The following CDC25B variants were observed in gnomAD, a reference collection of about 807,000 sequenced individuals.
CDC25B encodes the protein cell division cycle 25B.
CDC25B carries 33 observed loss-of-function variants against 69.8 expected under a neutral mutation model. The observed-to-expected ratio is 0.47, with a 90% CI of 0.36 to 0.63. The LOEUF is 0.63. Among genes scored for constraint, CDC25B ranks in the 30% least tolerant of loss-of-function variants. The pLI is 0.00. For missense variants in CDC25B, 727 were observed against 809.1 expected (o/e 0.90, Z 1.23); for synonymous variants, 341 against 314.6 (o/e 1.08, Z -0.89).
At chr20:3,797,595 T>C (rs1340652868) in intron 1 of CDC25B, 27 bp from the exon 2 acceptor site, 1 of 1,613,246 alleles carries the variant, frequency 6.2e-7, no homozygotes, top group African/African-American at 1.3e-5. Flanking sequence ...ACCTTTCTCC[T>C]TTCCCGGGTC....
chr20:3,796,187 T>G (rs1480398155), upstream of CDC25B: 2 of 1,176,668 alleles, frequency 1.7e-6, no homozygotes, highest in East Asian at 4.9e-5. Flanking sequence ...CCGCGCCTCT[T>G]GCCCTGCGGG....
rs1568509442 is a variant in CDC25B, at chr20:3,801,726, A to G, written c.845A>G (p.Asp282Gly). 6.3e-7 allele frequency: 1 copy of G among 1,598,952 alleles called. No individual in the cohort carries two copies. The highest frequency in any genetic ancestry group is 8.5e-7 in the Non-Finnish European group (1 of 1,173,600). ...TCCTTGCTAATCTGGCCTCAGGATG[A>G]TGATGCAGTTCCCCCAGGCATGGAG... The part of the protein sequence containing the change: ...VDILESDLKD[D>G]DAVPPGMESL... Residue 282 changes from aspartate (D) to glycine (G), a missense_variant, in exon 9 of 16, where the codon GAT becomes GGT. Asp to Gly is a moderately conservative substitution (Grantham distance 94). This residue lies in a region of CDC25B where 359 missense variants were observed against 463.4 expected (regional missense o/e 0.77). Transcript: ENST00000245960.
rs1600412384 is a variant in CDC25B, at chr20:3,805,669, A to C, written c.*708A>C. On this transcript the variant is annotated 3_prime_UTR_variant, in exon 16 of 16. Coordinates refer to ENST00000245960, the MANE Select transcript of CDC25B (RefSeq NM_021873.4). The stretch of plus-strand genomic sequence containing the variant: ...TTTTGTTGCCCCAGAAAGGGATGTT[A>C]TTATCCTTGGGGGCTCCCAGGGCAA... The C allele has an allele frequency of 2.5e-6, 1 of 401,500 alleles. No homozygotes were observed. The highest frequency in any genetic ancestry group is 3.5e-5 in the East Asian group (1 of 28,248). 24.9% of individuals were successfully genotyped at this position (401,500 alleles called of 1,614,324 possible). A position where few individuals can be genotyped will look rare whatever the true frequency, so the allele number is the denominator to read the frequency against.
intron 1 of CDC25B, among the ~76,000 whole-genome samples, chr20:3,791,095 C>T (rs1014508197): frequency 1.3e-5 from 2 of 152,188 alleles, no homozygotes; most frequent in Non-Finnish European, 2.9e-5. Context: ...AGCAGGCATC[C>T]CCACCTGACT....
rs58192077 is a variant in CDC25B at position 3,798,315 on chromosome 20, GTTTTTTTTTTT to G, written c.329-85_329-75del. On this transcript the variant is annotated intron_variant, in intron 2 of 15. Coordinates refer to ENST00000245960, the MANE Select transcript of CDC25B (RefSeq NM_021873.4). ...TGTGTCAAAGTCCAAACTAGAAACT[GTTTTTTTTTTT>G]TTTTTTTTTTTCATATTGGGACATG... 56 of 372,740 alleles carry G rather than the reference GTTTTTTTTTTT, an allele frequency of 1.5e-4. 1 individual carries two copies. The highest frequency in any genetic ancestry group is 2.2e-4 in the Non-Finnish European group (49 of 220,208). The allele number at this position is 372,740 out of a possible 1,614,324, so 23.1% of individuals were successfully genotyped here. A position where few individuals can be genotyped will look rare whatever the true frequency, so the allele number is the denominator to read the frequency against.
At chr20:3,797,846 C>G in intron 2 of CDC25B, 97 bp downstream of exon 2, 1 of 1,464,490 alleles carries the variant, frequency 6.8e-7, no homozygotes, top group Non-Finnish European at 9.4e-7. Context: ...AAACTAACAT[C>G]CTCCCCACAA....
chr20:3,805,193 G>A lies in CDC25B; in HGVS notation c.*232G>A. 1.8e-6 allele frequency: 1 copy of A among 569,594 alleles called. No individual in the cohort carries two copies. 35.3% of individuals were successfully genotyped at this position (569,594 alleles called of 1,614,324 possible). On this transcript the variant is annotated 3_prime_UTR_variant, in exon 16 of 16. Transcript: ENST00000245960. ...GAGCCCAGTCTGTTGAGTTAGTTAA[G>A]TTGGGTTAATACCAGCTTAAAGGCA...
upstream of CDC25B, among the ~76,000 whole-genome samples, chr20:3,794,518 T>C (rs548828677): frequency 0.014 from 351 of 25,312 alleles, 1 homozygote; most frequent in African/African-American, 0.09. Context: ...CGGGGCAGTT[T>C]TTTTTTTCTG....
In CDC25B at chr20:3,802,588, T is replaced by C. The variant is rs6116046; in HGVS notation, c.1194+212T>C. 0.011 allele frequency: 6,630 copies of C among 600,884 alleles called. 352 individuals are homozygous for C. The African/African-American group carries it at 0.11, about 10-fold the overall frequency. The allele number at this position is 600,884 out of a possible 1,614,324, so 37.2% of individuals were successfully genotyped here. ...CACCTCAAGTCAGTCCAGGCATCTG[T>C]TGAGTCTCCGTCTTATTTCCAAGCT... On this transcript the variant is annotated intron_variant, in intron 11 of 15. Coordinates refer to ENST00000245960, the MANE Select transcript of CDC25B (RefSeq NM_021873.4).
Position 3,796,405 on chromosome 20 carries a change from C to T in CDC25B, c.-127C>T. Reference sequence around the variant, plus strand: ...CTCGCGCCTGGCCCTGTGGCTCTTCCTCCCTCCCTCCTTCCCCCCCCCCCC... The same window carrying T: ...CTCGCGCCTGGCCCTGTGGCTCTTCTTCCCTCCCTCCTTCCCCCCCCCCCC... On this transcript the variant is annotated 5_prime_UTR_variant, in exon 1 of 16. Coordinates refer to ENST00000245960, the MANE Select transcript of CDC25B (RefSeq NM_021873.4). The T allele has an allele frequency of 6.2e-6, 4 of 647,798 alleles. No homozygotes were observed. Among genetic ancestry groups the T allele is most frequent in the Non-Finnish European group, 5.6e-6 (3 of 533,722 alleles). 40.1% of individuals were successfully genotyped at this position (647,798 alleles called of 1,614,324 possible).
intron 1 of CDC25B, among the ~76,000 whole-genome samples, chr20:3,788,819 T>G (rs1418628345): frequency 6.6e-6 from 1 of 151,572 alleles, no homozygotes; most frequent in Non-Finnish European, 1.5e-5. Flanking sequence ...CTTTCCTTCC[T>G]TCCTTCCCTT....
chr20:3,790,376 A>ATTTT (rs1172663396), intron 1 of CDC25B, among the ~76,000 whole-genome samples: 4 of 125,724 alleles, frequency 3.2e-5, no homozygotes, highest in Non-Finnish European at 3.4e-5. Flanking sequence ...CCATTTTGGA[A>ATTTT]TTTTTTTTTT....
At position 3,796,422 on chromosome 20, in the gene CDC25B, C is replaced by CCCA. The variant is rs1026904639; in HGVS notation, c.-108_-107insACC. 5.9e-6 allele frequency: 1 copy of CCCA among 168,388 alleles called. No homozygotes were observed. The highest frequency in any genetic ancestry group is 3.0e-5 in the African/African-American group (1 of 32,900). 10.4% of individuals were successfully genotyped at this position (168,388 alleles called of 1,614,324 possible). ...GGCTCTTCCTCCCTCCCTCCTTCCCCCCCCCCCCACCCCTCGCCCGCTGCC... is the reference window on the plus strand; with the variant it reads ...GGCTCTTCCTCCCTCCCTCCTTCCCCCCACCCCCCCCACCCCTCGCCCGCTGCC... On this transcript the variant is annotated 5_prime_UTR_variant, in exon 1 of 16. Transcript: ENST00000245960.
intron 1 of CDC25B, among the ~76,000 whole-genome samples, chr20:3,789,102 G>A (rs967975247): frequency 5.9e-5 from 9 of 152,130 alleles, no homozygotes; most frequent in Non-Finnish European, 1.2e-4. Flanking sequence ...CTGAGGCCCC[G>A]GGCTTCCCCA....
In CDC25B at chr20:3,796,428, C is replaced by CA. The variant is rs982815758; in HGVS notation, c.-104_-103insA. On this transcript the variant is annotated 5_prime_UTR_variant, in exon 1 of 16. Coordinates refer to ENST00000245960, the MANE Select transcript of CDC25B (RefSeq NM_021873.4). ...TCCTCCCTCCCTCCTTCCCCCCCCC[C>CA]CCACCCCTCGCCCGCTGCCTCCCTC... 1.3e-5 allele frequency: 4 copies of CA among 297,628 alleles called. No individual in the cohort carries two copies. The highest frequency in any genetic ancestry group is 2.7e-5 in the African/African-American group (1 of 36,950). 18.4% of individuals were successfully genotyped at this position (297,628 alleles called of 1,614,324 possible).
chr20:3,802,902 C>G lies in CDC25B; in HGVS notation c.1195-8C>G. 1 of 1,611,762 alleles carries G rather than the reference C, an allele frequency of 6.2e-7. No homozygotes were observed. Among genetic ancestry groups the G allele is most frequent in the Non-Finnish European group, 8.5e-7 (1 of 1,177,792 alleles). On this transcript the variant is annotated splice_region_variant and splice_polypyrimidine_tract_variant and intron_variant, in intron 11 of 15. Transcript: ENST00000245960. Reference sequence around the variant, plus strand: ...TCCCCTCTCCCTCATCCCTTCCGTTCCCTTCAGGCCTTCCTCCTACAGACA... The same window carrying G: ...TCCCCTCTCCCTCATCCCTTCCGTTGCCTTCAGGCCTTCCTCCTACAGACA...
At position 3,803,127 on chromosome 20, in the gene CDC25B, G is replaced by A; in HGVS notation, c.1277G>A (p.Gly426Asp). 1.2e-6 allele frequency: 2 copies of A among 1,613,950 alleles called. No homozygotes were observed. Among genetic ancestry groups the A allele is most frequent in the Non-Finnish European group, 1.7e-6 (2 of 1,179,864 alleles). ...SPETMVALLT[G>D]KFSNIVDKFV... ...CTACAGATGGTGGCCCTATTGACGG[G>A]CAAGTTCAGCAACATCGTGGATAAG... The change falls in exon 13 of 16, where the codon GGC becomes GAC. Residue 426 changes from glycine to aspartate, a missense_variant. Gly to Asp is a moderately conservative substitution (Grantham distance 94, BLOSUM62 -1). Around this residue, in one of 2 missense-constraint regions of CDC25B, gnomAD observed 359 missense variants for 463.4 expected, o/e 0.77. Transcript: ENST00000245960. This position sits in a 1 kb window ranked among gnomAD's most constrained non-coding sequence, Gnocchi z 4.9.
upstream of CDC25B, among the ~76,000 whole-genome samples, chr20:3,793,888 T>G (rs1301398809): frequency 6.0e-5 from 9 of 149,840 alleles, no homozygotes; most frequent in African/African-American, 1.5e-4. Flanking sequence ...TGAGAATGAT[T>G]ATTTCCAATT....
In CDC25B at chr20:3,802,069, C is replaced by T; in HGVS notation, c.1067C>T (p.Pro356Leu). The T allele has an allele frequency of 6.4e-7, 1 of 1,560,058 alleles. No individual in the cohort carries two copies. Among genetic ancestry groups the T allele is most frequent in the Non-Finnish European group, 8.7e-7 (1 of 1,151,694 alleles). The change falls in exon 10 of 16, where the codon CCT (proline) becomes CTT (leucine). Residue 356 changes from proline to leucine, a missense_variant. Transcript: ENST00000245960. The part of the protein sequence containing the change: ...VQNKRRRSVT[P>L]PEEQQEAEEP... ...AATAAGCGGAGGCGGAGCGTGACCC[C>T]TCCTGAGGAGCAGCAGGAGGCTGAG...
Sources: gnomAD v4.1 joint callset for allele counts (sites outside exome capture counted in the v4.1 genomes callset) on GRCh38, gnomAD v4.1.1 for gene constraint, gnomAD v4.1.1 regional missense constraint, Gnocchi (gnomAD v3.1) non-coding constraint, MANE v1.5 for transcripts, NCBI Gene and HGNC (gene_info 2026-07-23, HGNC 2026-07-21) for gene names.